The following ROR2 variants were observed in gnomAD, a reference collection of about 807,000 sequenced individuals.
ROR2 encodes tyrosine-protein kinase transmembrane receptor ROR2.
In ROR2, 33 loss-of-function variants were observed where a neutral mutation model predicts 74.9. That is an observed-to-expected ratio of 0.44 (90% CI 0.33 to 0.59). ROR2 has a LOEUF of 0.59. Ranked by LOEUF, ROR2 falls within the 20% of genes least tolerant of loss-of-function variation. ROR2 has a pLI of 0.02. For synonymous variants in ROR2, 586 were observed against 558.7 expected (o/e 1.05, Z -0.69); for missense variants, 1,216 against 1,313.8 (o/e 0.93, Z 1.15).
At chr9:91,787,371 A>AGTG (rs1324405201) in intron 1 of ROR2, among the ~76,000 whole-genome samples, 1 of 152,010 alleles carries the variant, frequency 6.6e-6, no homozygotes, top group East Asian at 1.9e-4. Context: ...ATTAGCCATG[A>AGTG]GTGGTGGTGG....
rs145497538 is a variant in ROR2, at chr9:91,775,696, A to G, written c.175+45T>C. The stretch of plus-strand genomic sequence containing the variant: ...GGCAGTGCAAGATGAGCCTCAGCAC[A>G]GGGCATTTGGAGGACATGGAGAGCA... On this transcript the variant is annotated intron_variant, in intron 2 of 8. Coordinates refer to ENST00000375708, the MANE Select transcript of ROR2 (RefSeq NM_004560.4). 3.8e-4 allele frequency: 599 copies of G among 1,572,454 alleles called. 1 individual carries two copies. In the African/African-American group the frequency reaches 7.1e-3, roughly 19 times the overall value.
At chr9:91,878,851 G>T (rs1028692230) in intron 1 of ROR2, among the ~76,000 whole-genome samples, 1 of 152,172 alleles carries the variant, frequency 6.6e-6, no homozygotes, top group Non-Finnish European at 1.5e-5. Context: ...GCCGAGACGG[G>T]CAGATCACGA....
chr9:91,853,744 T>C (rs964474551), intron 1 of ROR2, among the ~76,000 whole-genome samples: 3 of 152,148 alleles, frequency 2.0e-5, no homozygotes, highest in Non-Finnish European at 4.4e-5. Flanking sequence ...GCTGTGACAG[T>C]AGCGCATGAA....
At chr9:91,926,241 G>A (rs1169461247) in intron 1 of ROR2, among the ~76,000 whole-genome samples, 1 of 151,950 alleles carries the variant, frequency 6.6e-6, no homozygotes, top group Non-Finnish European at 1.5e-5. Context: ...AAAATTAGCA[G>A]GGCATGTGGC....
intron 1 of ROR2, among the ~76,000 whole-genome samples, chr9:91,867,955 C>A (rs1170485268): frequency 1.3e-5 from 2 of 152,128 alleles, no homozygotes; most frequent in Non-Finnish European, 2.9e-5. Context: ...AGTCTCACCA[C>A]CAAAATCTAA....
intron 1 of ROR2, among the ~76,000 whole-genome samples, chr9:91,935,498 A>G (rs1449669602): frequency 6.6e-6 from 1 of 152,184 alleles, no homozygotes; most frequent in Admixed American, 6.5e-5. Flanking sequence ...CTCCTACTTC[A>G]AAGGGCTTCC....
chr9:91,739,513 TAAAAAAA>T (rs71362359), intron 4 of ROR2, among the ~76,000 whole-genome samples: 1 of 105,604 alleles, frequency 9.5e-6, no homozygotes, highest in East Asian at 2.7e-4. Context: ...TCTTTAAATT[TAAAAAAA>T]AAAAAAAAAA....
At chr9:91,833,616 C>A (rs1392575106) in intron 1 of ROR2, among the ~76,000 whole-genome samples, 1 of 152,162 alleles carries the variant, frequency 6.6e-6, no homozygotes, top group Non-Finnish European at 1.5e-5. Context: ...CGAAGAGAAG[C>A]AGCCCATGGC....
In ROR2 at chr9:91,743,570, CA is replaced by C. The variant is rs541461789; in HGVS notation, c.495-6053del. Among the ~76,000 whole-genome samples the C allele has an allele frequency of 6.4e-4, 95 of 147,998 alleles. 1 individual carries two copies. The South Asian group carries it at 0.02, about 32-fold the overall frequency. ...TGGGTGACAGAGTAGGACTCCATCT[CA>C]AAAAAAAAGAAAAAAGAAAAGAAAA... On this transcript the variant is annotated intron_variant, in intron 4 of 8. Transcript: ENST00000375708.
chr9:91,743,921 C>T (rs1163856718), intron 4 of ROR2, among the ~76,000 whole-genome samples: 1 of 152,194 alleles, frequency 6.6e-6, no homozygotes, highest in Non-Finnish European at 1.5e-5. Context: ...ATGTTCATGG[C>T]TTTATTTATA....
chr9:91,854,680 C>A (rs1829221346), intron 1 of ROR2, among the ~76,000 whole-genome samples: 1 of 152,212 alleles, frequency 6.6e-6, no homozygotes, highest in African/African-American at 2.4e-5. Context: ...TCTCCGCTGC[C>A]TCTGAGAGGG....
intron 1 of ROR2, among the ~76,000 whole-genome samples, chr9:91,782,099 G>A (rs981679896): frequency 4.6e-5 from 7 of 152,202 alleles, no homozygotes; most frequent in African/African-American, 9.6e-5. Context: ...GAGCCTGGCC[G>A]GGCTGGGAGG....
intron 1 of ROR2, among the ~76,000 whole-genome samples, chr9:91,797,091 A>G (rs1293956132): frequency 2.5e-4 from 7 of 27,626 alleles, no homozygotes; most frequent in South Asian, 3.7e-3. Context: ...GGATCTGTGG[A>G]TAGGGCTGAC....
At chr9:91,758,671 C>T (rs1263612212) in intron 2 of ROR2, among the ~76,000 whole-genome samples, 1 of 152,160 alleles carries the variant, frequency 6.6e-6, no homozygotes, top group African/African-American at 2.4e-5. Context: ...GGAAACACTG[C>T]CCTGATAAGT....
chr9:91,871,245 TGTCTG>T (rs1419827560), intron 1 of ROR2, among the ~76,000 whole-genome samples: 3 of 152,098 alleles, frequency 2.0e-5, no homozygotes, highest in African/African-American at 7.2e-5. Context: ...GTAGAGCAGC[TGTCTG>T]CCATATATAT....
At chr9:91,850,557 G>A (rs975251817) in intron 1 of ROR2, among the ~76,000 whole-genome samples, 4 of 152,196 alleles carry the variant, frequency 2.6e-5, no homozygotes, top group African/African-American at 9.6e-5. Context: ...AACCCAGGTG[G>A]GTCTGGAAGC....
chr9:91,812,648 G>A (rs116141789), intron 1 of ROR2, among the ~76,000 whole-genome samples: 3,071 of 152,012 alleles, frequency 0.02, 106 homozygotes, highest in African/African-American at 0.071. Context: ...GGGTGTGTGT[G>A]AACTGTGCTA....
At chr9:91,893,332 C>T (rs536006888) in intron 1 of ROR2, among the ~76,000 whole-genome samples, 45 of 152,204 alleles carry the variant, frequency 3.0e-4, no homozygotes, top group African/African-American at 1.1e-3. Flanking sequence ...CCCAGCTACT[C>T]AGGGGGCCGA....
At position 91,897,713 on chromosome 9, in the gene ROR2, G is replaced by A. The variant is rs144840012; in HGVS notation, c.97+52154C>T. Among the ~76,000 whole-genome samples, 722 of 152,260 alleles carry A rather than the reference G, an allele frequency of 4.7e-3. 6 individuals carry two copies. Among genetic ancestry groups the A allele is most frequent in the African/African-American group, 0.016 (675 of 41,550 alleles). ...GCATCTCACAAAGGGGCCTGGGGAGGCTGCCTCACTCCAAGCCTCACCCTT... is the reference window on the plus strand; with the variant it reads ...GCATCTCACAAAGGGGCCTGGGGAGACTGCCTCACTCCAAGCCTCACCCTT... On this transcript the variant is annotated intron_variant, in intron 1 of 8. Transcript: ENST00000375708.
Sources: allele counts gnomAD v4.1 joint callset (sites outside exome capture counted in the v4.1 genomes callset), GRCh38; gene constraint gnomAD v4.1.1; transcripts MANE v1.5; gene names NCBI Gene and HGNC (gene_info 2026-07-23, HGNC 2026-07-21).